The following NDUFA10 variants were observed in gnomAD, a reference collection of about 807,000 sequenced individuals.
NDUFA10 encodes the protein NADH dehydrogenase [ubiquinone] 1 alpha subcomplex subunit 10, mitochondrial.
Under a neutral mutation model 47.8 loss-of-function variants are expected in NDUFA10, and 40 were observed. The observed-to-expected ratio is 0.84, with a 90% CI of 0.65 to 1.09. The LOEUF is 1.09. Ranked by LOEUF, NDUFA10 falls within the 50% of genes least tolerant of loss-of-function variation. The pLI is 0.00. For synonymous variants in NDUFA10, 183 were observed against 172.2 expected (o/e 1.06, Z -0.49); for missense variants, 413 against 451.1 (o/e 0.92, Z 0.76).
intron 8 of NDUFA10, among the ~76,000 whole-genome samples, chr2:240,001,538 A>C (rs1263003069): frequency 6.6e-6 from 1 of 152,206 alleles, no homozygotes; most frequent in Non-Finnish European, 1.5e-5. Flanking sequence ...CCCCTTGCCC[A>C]GGGGCACAGT....
At chr2:239,988,912 C>A (rs1696123142) in intron 9 of NDUFA10, among the ~76,000 whole-genome samples, 1 of 151,024 alleles carries the variant, frequency 6.6e-6, no homozygotes, top group Admixed American at 6.6e-5. Flanking sequence ...AGCACACACA[C>A]TCACACACGT....
intron 9 of NDUFA10, among the ~76,000 whole-genome samples, chr2:239,978,723 T>C (rs1375219970): frequency 6.6e-6 from 1 of 152,134 alleles, no homozygotes; most frequent in African/African-American, 2.4e-5. Context: ...AAACTACGCG[T>C]CTGAAAAGGA....
downstream of NDUFA10, among the ~76,000 whole-genome samples, chr2:239,954,089 G>C (rs1382990298): frequency 1.3e-5 from 2 of 151,324 alleles, no homozygotes; most frequent in Non-Finnish European, 2.9e-5. Flanking sequence ...TGTGAGACTG[G>C]GTGCCACCTG....
At chr2:239,924,026 C>T (rs1003789167) in intron 4 of NDUFA10, among the ~76,000 whole-genome samples, 2 of 152,104 alleles carry the variant, frequency 1.3e-5, no homozygotes, top group African/African-American at 4.8e-5. Flanking sequence ...AAAACTACAG[C>T]TCATCCAATA....
chr2:239,981,543 C>G (rs1019351200), intron 9 of NDUFA10, among the ~76,000 whole-genome samples: 6 of 152,124 alleles, frequency 3.9e-5, no homozygotes, highest in Non-Finnish European at 7.4e-5. Context: ...TACAAAAACA[C>G]TAAAGTCAGA....
chr2:239,941,694 C>T (rs1328578191), intron 4 of NDUFA10, among the ~76,000 whole-genome samples: 3 of 149,828 alleles, frequency 2.0e-5, no homozygotes, highest in African/African-American at 7.4e-5. Flanking sequence ...CACTGCACTC[C>T]AGCCTGGGCA....
At chr2:239,893,220 T>TGCACAGCAGAGA (rs1194999760) in intron 5 of NDUFA10, among the ~76,000 whole-genome samples, 1 of 152,076 alleles carries the variant, frequency 6.6e-6, no homozygotes, top group Non-Finnish European at 1.5e-5. Flanking sequence ...CAGCACAGGG[T>TGCACAGCAGAGA]ACACGGCAGA....
chr2:240,012,018 T>A (rs1373658296), intron 5 of NDUFA10: 1 of 362,274 alleles, frequency 2.8e-6, no homozygotes, highest in African/African-American at 2.1e-5. Context: ...CGTGCCTGAG[T>A]GCAGGAATGA....
chr2:239,929,971 G>T (rs865859991), intron 4 of NDUFA10, among the ~76,000 whole-genome samples: 1 of 98,746 alleles, frequency 1.0e-5, no homozygotes, highest in Non-Finnish European at 2.0e-5. Flanking sequence ...CTTCTCCACC[G>T]CCCCTGCTCC....
intron 4 of NDUFA10, among the ~76,000 whole-genome samples, chr2:239,947,554 C>G (rs772462944): frequency 6.6e-6 from 1 of 152,156 alleles, no homozygotes; most frequent in East Asian, 1.9e-4. Flanking sequence ...GCACCAGACA[C>G]AGACAGGGAC....
chr2:239,949,450 C>T (rs1416442477), intron 4 of NDUFA10, among the ~76,000 whole-genome samples: 1 of 152,206 alleles, frequency 6.6e-6, no homozygotes, highest in Non-Finnish European at 1.5e-5. Context: ...CTCCAGTCCA[C>T]TGGGGGTCTG....
At chr2:240,011,902 C>T in intron 5 of NDUFA10, 1 of 605,994 alleles carries the variant, frequency 1.7e-6, no homozygotes, top group South Asian at 1.8e-5. Flanking sequence ...CTGAGCCTGC[C>T]CAAGTGCTCC....
intron 8 of NDUFA10, among the ~76,000 whole-genome samples, chr2:240,000,361 GC>G (rs1184041186): frequency 2.0e-5 from 3 of 152,044 alleles, no homozygotes; most frequent in Non-Finnish European, 4.4e-5. Flanking sequence ...CTCCAGGTAG[GC>G]CCAGGCCACT....
chr2:239,942,288 G>T (rs1672353934), intron 4 of NDUFA10, among the ~76,000 whole-genome samples: 4 of 152,242 alleles, frequency 2.6e-5, no homozygotes, highest in Admixed American at 6.5e-5. Flanking sequence ...CACAGATGCT[G>T]CTGGGGCCCA....
chr2:239,919,607 G>T (rs555067753), intron 4 of NDUFA10, among the ~76,000 whole-genome samples: 1 of 152,304 alleles, frequency 6.6e-6, no homozygotes, highest in East Asian at 1.9e-4. Context: ...CTGGGTGTGG[G>T]GTTATGGGTG....
At chr2:240,014,382 C>T (rs1187666008) in intron 5 of NDUFA10, 7 of 345,910 alleles carry the variant, frequency 2.0e-5, no homozygotes, top group East Asian at 7.0e-5. Flanking sequence ...TGGAAGAAAA[C>T]GATAGGACAC....
In NDUFA10 at chr2:239,960,556, T is replaced by A; in HGVS notation, c.*562A>T. ...TCCTTTTGCTATTTCTTCTTCACGT[T>A]CTTATTTTTTCTACTCTAATGTAGC... On this transcript the variant is annotated 3_prime_UTR_variant, in exon 10 of 10. Coordinates refer to ENST00000252711, the MANE Select transcript of NDUFA10 (RefSeq NM_004544.4). 8 of 998,820 alleles carry A rather than the reference T, an allele frequency of 8.0e-6. No individual in the cohort carries two copies. The South Asian group carries it at 3.0e-4, about 38-fold the overall frequency. The allele number at this position is 998,820 out of a possible 1,614,324, so 61.9% of individuals were successfully genotyped here. A position where few individuals can be genotyped will look rare whatever the true frequency, so the allele number is the denominator to read the frequency against.
At chr2:239,907,457 G>A (rs1170450433) in intron 4 of NDUFA10, among the ~76,000 whole-genome samples, 2 of 152,142 alleles carry the variant, frequency 1.3e-5, no homozygotes, top group African/African-American at 4.8e-5. Flanking sequence ...AGAGTGAACA[G>A]GCAACCTACA....
chr2:239,986,150 C>T (rs1273111330), intron 9 of NDUFA10, among the ~76,000 whole-genome samples: 1 of 152,144 alleles, frequency 6.6e-6, no homozygotes. Context: ...CCATTAGAAA[C>T]ACAAAAGCCA....
Sources: gnomAD v4.1 joint callset for allele counts (sites outside exome capture counted in the v4.1 genomes callset) on GRCh38, gnomAD v4.1.1 for gene constraint, MANE v1.5 for transcripts, NCBI Gene and HGNC (gene_info 2026-07-23, HGNC 2026-07-21) for gene names.